Variants in CNTNAP2 observed in about 807,000 individuals in gnomAD.
CNTNAP2 encodes contactin associated protein 2, also known as contactin-associated protein-like 2.
A neutral mutation model predicts 155.2 loss-of-function variants in CNTNAP2; 98 were observed. The observed-to-expected ratio is 0.63, with a 90% CI of 0.54 to 0.75. CNTNAP2 has a LOEUF of 0.75. Among genes scored for constraint, CNTNAP2 ranks in the 30% least tolerant of loss-of-function variants. The pLI, the probability that CNTNAP2 is intolerant of heterozygous loss-of-function variation, is 0.00. For synonymous variants in CNTNAP2, 651 were observed against 631.2 expected, an observed-to-expected ratio of 1.03 and a Z score of -0.47; for missense variants, 1,727 against 1,688.1, an observed-to-expected ratio of 1.02 and a Z score of -0.40.
chr7:147,881,807 A>G (rs1344111985), intron 13 of CNTNAP2, among the ~76,000 whole-genome samples: 1 of 152,182 alleles, frequency 6.6e-6, no homozygotes, highest in East Asian at 1.9e-4. Flanking sequence ...CCCCGTCTCT[A>G]TTAAAAATAC....
At chr7:146,165,980 A>C (rs1798306743) in intron 1 of CNTNAP2, among the ~76,000 whole-genome samples, 1 of 152,162 alleles carries the variant, frequency 6.6e-6, no homozygotes. Context: ...ATGTGTACCT[A>C]ATACCTAATG....
chr7:146,647,127 G>C (rs999493779), intron 1 of CNTNAP2, among the ~76,000 whole-genome samples: 1 of 152,108 alleles, frequency 6.6e-6, no homozygotes, highest in Admixed American at 6.6e-5. Flanking sequence ...GATAACAAGA[G>C]GCAGGTAAAT....
intron 3 of CNTNAP2, among the ~76,000 whole-genome samples, chr7:146,864,080 T>A (rs191653327): frequency 5.3e-5 from 8 of 152,204 alleles, no homozygotes; most frequent in Admixed American, 1.3e-4. Flanking sequence ...CCTTTCTATA[T>A]GTATAATATC....
chr7:146,705,161 A>C (rs1800941699), intron 1 of CNTNAP2, among the ~76,000 whole-genome samples: 1 of 152,084 alleles, frequency 6.6e-6, no homozygotes, highest in African/African-American at 2.4e-5. Context: ...AGTGTTTAGG[A>C]TGAGATGTTG....
intron 8 of CNTNAP2, among the ~76,000 whole-genome samples, chr7:147,201,759 C>G: frequency 6.6e-6 from 1 of 152,046 alleles, no homozygotes; most frequent in East Asian, 1.9e-4. Context: ...TGTGGGTGTC[C>G]CTTTCACTTT....
chr7:147,067,530 A>G (rs1799804525), intron 4 of CNTNAP2, among the ~76,000 whole-genome samples: 1 of 152,150 alleles, frequency 6.6e-6, no homozygotes, highest in Non-Finnish European at 1.5e-5. Context: ...TTTTATGAGT[A>G]TGCTATAATA....
At chr7:148,240,250 G>A (rs959008330) in intron 20 of CNTNAP2, among the ~76,000 whole-genome samples, 3 of 152,158 alleles carry the variant, frequency 2.0e-5, no homozygotes, top group Non-Finnish European at 4.4e-5. Context: ...TGAATAAAAT[G>A]TATCTTTTAC....
At chr7:148,131,087 C>CTTTTTTTTTTTTTTTTTTTT (rs755587892) in intron 16 of CNTNAP2, among the ~76,000 whole-genome samples, 3 of 97,180 alleles carry the variant, frequency 3.1e-5, no homozygotes, top group African/African-American at 4.3e-5. Context: ...TTTTCTTCTT[C>CTTTTTTTTTTTTTTTTTTTT]TTTTTTTTTT....
chr7:146,510,154 T>C (rs989275039), intron 1 of CNTNAP2, among the ~76,000 whole-genome samples: 1 of 152,208 alleles, frequency 6.6e-6, no homozygotes, highest in Non-Finnish European at 1.5e-5. Context: ...GACATGGCTT[T>C]ATTCTCTCCC....
chr7:148,236,573 A>G (rs1402760964), intron 20 of CNTNAP2, among the ~76,000 whole-genome samples: 2 of 152,348 alleles, frequency 1.3e-5, no homozygotes, highest in Admixed American at 1.3e-4. Context: ...CTACTTAGGC[A>G]TTTAGTCTGC....
At chr7:146,447,957 T>C (rs900395951) in intron 1 of CNTNAP2, among the ~76,000 whole-genome samples, 1 of 152,028 alleles carries the variant, frequency 6.6e-6, no homozygotes, top group Non-Finnish European at 1.5e-5. Flanking sequence ...TGTGACCTTT[T>C]ATTAATAATA....
chr7:146,495,197 G>T (rs992153771), intron 1 of CNTNAP2, among the ~76,000 whole-genome samples: 1 of 152,180 alleles, frequency 6.6e-6, no homozygotes, highest in Non-Finnish European at 1.5e-5. Flanking sequence ...ATTTTCTTAT[G>T]TTTGACATGT....
intron 18 of CNTNAP2, among the ~76,000 whole-genome samples, chr7:148,195,507 CA>C (rs2116723449): frequency 6.6e-6 from 1 of 152,332 alleles, no homozygotes; most frequent in African/African-American, 2.4e-5. Flanking sequence ...ATTAAATTCA[CA>C]ACCTAAGCTA....
At chr7:148,302,278 G>A (rs945965460) in intron 21 of CNTNAP2, among the ~76,000 whole-genome samples, 2 of 152,214 alleles carry the variant, frequency 1.3e-5, no homozygotes, top group Non-Finnish European at 2.9e-5. Context: ...AGACCAGCCA[G>A]GGTAATGTTG....
intron 1 of CNTNAP2, among the ~76,000 whole-genome samples, chr7:146,442,743 T>TC (rs1039163243): frequency 2.2e-4 from 34 of 152,258 alleles, no homozygotes; most frequent in African/African-American, 7.9e-4. Flanking sequence ...CTAGCCCTGT[T>TC]CCGTGGATTT....
rs370498614 is a variant in CNTNAP2, at chr7:146,280,896, A to T, written c.97+163923A>T. Among the ~76,000 whole-genome samples, 19 of 152,254 alleles carry T rather than the reference A, an allele frequency of 1.2e-4. No individual in the cohort carries two copies. The East Asian group carries it at 3.3e-3, about 26-fold the overall frequency. On this transcript the variant is annotated intron_variant, in intron 1 of 23. Transcript: ENST00000361727. ...CAGGGACTGGCTCAGGAACCTTCTG[A>T]GCCAAAGAGACACCATGCAAGATTA... is the stretch of plus-strand genomic sequence containing the variant.
At chr7:147,607,130 T>TG (rs1231954401) in intron 12 of CNTNAP2, among the ~76,000 whole-genome samples, 5 of 152,126 alleles carry the variant, frequency 3.3e-5, no homozygotes, top group Non-Finnish European at 7.4e-5. Flanking sequence ...CTCCTCACAA[T>TG]GGGGGCTGCT....
intron 1 of CNTNAP2, among the ~76,000 whole-genome samples, chr7:146,453,670 T>C (rs970568277): frequency 2.6e-5 from 4 of 152,218 alleles, no homozygotes; most frequent in Non-Finnish European, 4.4e-5. Flanking sequence ...GTTTTACTAT[T>C]GTATCCCATA....
At chr7:147,865,521 C>A (rs541221409) in intron 13 of CNTNAP2, among the ~76,000 whole-genome samples, 141 of 152,232 alleles carry the variant, frequency 9.3e-4, no homozygotes, top group African/African-American at 3.2e-3. Flanking sequence ...CCTCTTTGTA[C>A]CTCTGGTAGA....
Sources: gnomAD v4.1 joint callset for allele counts (sites outside exome capture counted in the v4.1 genomes callset) on GRCh38, gnomAD v4.1.1 for gene constraint, MANE v1.5 for transcripts, NCBI Gene and HGNC (gene_info 2026-07-23, HGNC 2026-07-21) for gene names.